Variants in MYO10 observed in about 807,000 individuals in gnomAD.
The protein encoded by MYO10 is unconventional myosin-X.
Under a neutral mutation model 257.3 loss-of-function variants are expected in MYO10, and 133 were observed. That is an observed-to-expected ratio of 0.52 (90% CI 0.45 to 0.60). The LOEUF (loss-of-function observed/expected upper bound fraction) is 0.60, where lower values mean the gene tolerates loss of function less well. Ranked by LOEUF, MYO10 falls within the 20% of genes least tolerant of loss-of-function variation. The pLI, the probability that MYO10 is intolerant of heterozygous loss-of-function variation, is 0.00. For synonymous variants in MYO10, 1,104 were observed against 1,028.6 expected, an observed-to-expected ratio of 1.07 and a Z score of -1.40; for missense variants, 2,399 against 2,635.7, an observed-to-expected ratio of 0.91 and a Z score of 1.97.
At position 16,668,344 on chromosome 5, in the gene MYO10, C is replaced by G; in HGVS notation, c.6008G>C (p.Gly2003Ala). Residue 2003 changes from glycine to alanine, a missense_variant, in exon 40 of 41, where the codon GGG becomes GCG. Physicochemically the swap from Gly to Ala is moderately conservative, Grantham distance 60. Coordinates refer to ENST00000513610, the MANE Select transcript of MYO10 (RefSeq NM_012334.3). ...CTTATACGTATTCGCCAGGGGTGCC[C>G]CAAAAGAGAGGATGTGTTCATACTG... ...VFQYEHILSF[G>A]APLANTYKIV... The G allele has an allele frequency of 6.2e-7, 1 of 1,613,972 alleles. No homozygotes were observed. The highest frequency in any genetic ancestry group is 8.5e-7 in the Non-Finnish European group (1 of 1,179,882).
chr5:16,702,478 T>C lies in MYO10; in HGVS notation c.2556+65A>G, dbSNP rs1314311271. On this transcript the variant is annotated intron_variant, in intron 24 of 40. Transcript: ENST00000513610. ...TTTAATTCAGTTTTGAATCCTAGAG[T>C]CCAAGCATTAGAAGTGGGAAGGAAG... 2.9e-6 allele frequency: 4 copies of C among 1,391,894 alleles called. No individual in the cohort carries two copies. The African/African-American group carries it at 5.8e-5, about 20-fold the overall frequency. 86.2% of individuals were successfully genotyped at this position (1,391,894 alleles called of 1,614,324 possible). A position where few individuals can be genotyped will look rare whatever the true frequency, so the allele number is the denominator to read the frequency against.
At chr5:16,754,511 TA>T (rs1240959114) in intron 19 of MYO10, among the ~76,000 whole-genome samples, 1 of 151,356 alleles carries the variant, frequency 6.6e-6, no homozygotes, top group Non-Finnish European at 1.5e-5. Flanking sequence ...ATATTTCCTG[TA>T]AAATGATGTA....
chr5:16,831,651 C>T (rs781318779), intron 2 of MYO10, among the ~76,000 whole-genome samples: 1 of 151,582 alleles, frequency 6.6e-6, no homozygotes, highest in African/African-American at 2.4e-5. Context: ...TGTTCTCATT[C>T]ATATGTGGGA....
rs1457755347 is a variant in MYO10, at chr5:16,767,115, CAT to C, written c.1061-919_1061-918del. On this transcript the variant is annotated intron_variant, in intron 10 of 40. Transcript: ENST00000513610. The stretch of plus-strand genomic sequence containing the variant: ...ACAGAAGAGTATTCCAAAGGCTACA[CAT>C]GAGGTACCTCAACAAATTAAAGGCA... Among the ~76,000 whole-genome samples the C allele has an allele frequency of 3.3e-5, 5 of 151,098 alleles. 1 individual carries two copies. The highest frequency in any genetic ancestry group is 3.3e-4 in the Admixed American group (5 of 15,162).
intron 19 of MYO10, among the ~76,000 whole-genome samples, chr5:16,742,750 G>A (rs1740057988): frequency 1.3e-5 from 2 of 151,354 alleles, no homozygotes; most frequent in Admixed American, 6.6e-5. Flanking sequence ...AGCGGACATT[G>A]CAGTGGCTGA....
At chr5:16,797,237 T>C (rs1282579305) in intron 3 of MYO10, among the ~76,000 whole-genome samples, 1 of 152,112 alleles carries the variant, frequency 6.6e-6, no homozygotes, top group Admixed American at 6.6e-5. Context: ...AAAAGAAATG[T>C]TCATGGGGGC....
At chr5:16,710,509 G>A (rs557739535) in intron 21 of MYO10, among the ~76,000 whole-genome samples, 1 of 152,244 alleles carries the variant, frequency 6.6e-6, no homozygotes, top group East Asian at 1.9e-4. Flanking sequence ...CGCTGCTCTG[G>A]TTGCAGGGAT....
intron 19 of MYO10, among the ~76,000 whole-genome samples, chr5:16,712,266 CA>C (rs1215109379): frequency 3.9e-5 from 6 of 152,186 alleles, no homozygotes; most frequent in Non-Finnish European, 7.3e-5. Context: ...TGAGAACACA[CA>C]AATTAAAGAC....
intron 32 of MYO10, 27 bp from the exon 33 acceptor site, chr5:16,680,131 C>G (rs140674102): frequency 3.1e-6 from 5 of 1,593,808 alleles, no homozygotes; most frequent in Non-Finnish European, 4.3e-6. Flanking sequence ...GCCCAGCACA[C>G]GCACGTCAAC....
At chr5:16,890,157 AT>A (rs1335860756) in intron 1 of MYO10, among the ~76,000 whole-genome samples, 3 of 151,746 alleles carry the variant, frequency 2.0e-5, no homozygotes, top group Non-Finnish European at 2.9e-5. Context: ...TCGAAAACAA[AT>A]TTTTTTTCAC....
chr5:16,822,062 C>A (rs10063505), intron 2 of MYO10, among the ~76,000 whole-genome samples: 134,045 of 151,874 alleles, frequency 0.88, 60,034 homozygotes, highest in South Asian at 0.97. Flanking sequence ...AGGTGGGCTC[C>A]AGTTGGTAAA....
At chr5:16,859,055 A>G (rs181126121) in intron 2 of MYO10, among the ~76,000 whole-genome samples, 1 of 152,252 alleles carries the variant, frequency 6.6e-6, no homozygotes, top group East Asian at 1.9e-4. Context: ...CCTGCTCTTT[A>G]TCCTGTGTTC....
At chr5:16,671,232 C>T (rs866120340) in intron 38 of MYO10, among the ~76,000 whole-genome samples, 190 bp downstream of exon 38, 3 of 152,172 alleles carry the variant, frequency 2.0e-5, no homozygotes, top group Non-Finnish European at 2.9e-5. Flanking sequence ...GTCCCTGGAA[C>T]GGAGGTTCAA....
At chr5:16,929,622 G>C (rs112508296) in intron 1 of MYO10, among the ~76,000 whole-genome samples, 5 of 152,218 alleles carry the variant, frequency 3.3e-5, no homozygotes, top group African/African-American at 1.2e-4. Context: ...TTTCCCATAG[G>C]GTTGTTCAAG....
intron 21 of MYO10, among the ~76,000 whole-genome samples, chr5:16,705,930 C>T (rs1738309545): frequency 6.6e-6 from 1 of 152,070 alleles, no homozygotes; most frequent in South Asian, 2.1e-4. Context: ...GCCAGTAATC[C>T]CAGCACTCTG....
intron 2 of MYO10, among the ~76,000 whole-genome samples, chr5:16,837,320 A>C (rs253331): frequency 0.033 from 5,097 of 152,266 alleles, 262 homozygotes; most frequent in African/African-American, 0.12. Context: ...CAAAAGAAAA[A>C]AAAACATACT....
chr5:16,748,244 C>T (rs10057142), intron 19 of MYO10, among the ~76,000 whole-genome samples: 37,530 of 151,592 alleles, frequency 0.25, 7,675 homozygotes, highest in African/African-American at 0.56. Context: ...TACTTTTTGT[C>T]TTTTTGAAGT....
Position 16,936,011 on chromosome 5 carries a change from C to T in MYO10, c.-203G>A. The T allele has an allele frequency of 1.6e-6, 1 of 612,266 alleles. No homozygotes were observed. Among genetic ancestry groups the T allele is most frequent in the Non-Finnish European group, 2.9e-6 (1 of 345,532 alleles). The allele number at this position is 612,266 out of a possible 1,614,324, so 37.9% of individuals were successfully genotyped here. On this transcript the variant is annotated 5_prime_UTR_variant, in exon 1 of 41. Coordinates refer to ENST00000513610, the MANE Select transcript of MYO10 (RefSeq NM_012334.3). ...AACCCAAGTCCCTAACTCGCCCGTCCCGACGGCAGCCTTTGTCTCTTCTTC... is the reference window on the plus strand; with the variant it reads ...AACCCAAGTCCCTAACTCGCCCGTCTCGACGGCAGCCTTTGTCTCTTCTTC...
rs1739452738 is a variant in MYO10, at chr5:16,728,357, A to G, written c.1930-17112T>C. On this transcript the variant is annotated intron_variant, in intron 19 of 40. Transcript: ENST00000513610. ...GCAGATCCCAAACTTCAGGCCACAC[A>G]CCAGCTTGCACACCAACTCCTTGGG... Among the ~76,000 whole-genome samples the G allele has an allele frequency of 1.3e-5, 2 of 152,050 alleles. 1 individual carries two copies. The highest frequency in any genetic ancestry group is 4.2e-4 in the South Asian group (2 of 4,812).
Sources: gnomAD v4.1 joint callset for allele counts (sites outside exome capture counted in the v4.1 genomes callset) on GRCh38, gnomAD v4.1.1 for gene constraint, MANE v1.5 for transcripts, NCBI Gene and HGNC (gene_info 2026-07-23, HGNC 2026-07-21) for gene names.